The following NEDD4L variants were observed in gnomAD, a reference collection of about 807,000 sequenced individuals.
NEDD4L encodes E3 ubiquitin-protein ligase NEDD4-like.
Under a neutral mutation model 148.9 loss-of-function variants are expected in NEDD4L, and 54 were observed. That is an observed-to-expected ratio of 0.36 (90% confidence interval 0.29 to 0.45). NEDD4L has a LOEUF of 0.45. Ranked by LOEUF, NEDD4L falls within the 20% of genes least tolerant of loss-of-function variation. The pLI is 1.00. For missense variants in NEDD4L, 856 were observed against 1,233.8 expected, an observed-to-expected ratio of 0.69 and a Z score of 4.59; for synonymous variants, 433 against 440.7, an observed-to-expected ratio of 0.98 and a Z score of 0.22.
chr18:58,045,073 C>G (rs1318500635), intron 1 of NEDD4L: 6 of 405,952 alleles, frequency 1.5e-5, no homozygotes, highest in African/African-American at 1.2e-4. Context: ...CCCCTGCAGC[C>G]CGGGAGTCCA....
chr18:58,249,988 C>T (rs1252208261), intron 4 of NEDD4L, among the ~76,000 whole-genome samples: 2 of 152,208 alleles, frequency 1.3e-5, no homozygotes, highest in Non-Finnish European at 2.9e-5. Flanking sequence ...TATAGCTTTC[C>T]ACTTGTGAAC....
chr18:58,044,634 T>A lies in NEDD4L; in HGVS notation c.-27T>A, dbSNP rs1484978325. 6.3e-7 allele frequency: 1 copy of A among 1,592,956 alleles called. No homozygotes were observed. Among genetic ancestry groups the A allele is most frequent in the South Asian group, 1.1e-5 (1 of 88,610 alleles). ...CCGCAGCACAGCCGCTGGGAGCGCC[T>A]CAGACCCCGCGCGGGGCGCCGGCTC... On this transcript the variant is annotated 5_prime_UTR_variant, in exon 1 of 31. Transcript: ENST00000400345.
Position 58,245,438 on chromosome 18 carries a change from T to C in NEDD4L, c.134T>C (p.Val45Ala). 6.5e-7 allele frequency: 1 copy of C among 1,545,764 alleles called. No homozygotes were observed. Among genetic ancestry groups the C allele is most frequent in the Non-Finnish European group, 8.9e-7 (1 of 1,128,362 alleles). Residue 45 changes from valine to alanine, a missense_variant, in exon 3 of 31, where the codon GTG (valine) becomes GCG (alanine). Physicochemically the swap from Val to Ala is moderately conservative, Grantham distance 64 (BLOSUM62 0). This residue lies in a region of NEDD4L where 193 missense variants were observed against 244.2 expected (regional missense o/e 0.79). Coordinates refer to ENST00000400345, the MANE Select transcript of NEDD4L (RefSeq NM_001144967.3). Reference protein sequence around the residue: ...KDIFGASDPYVKLSLYVADEN... With the variant: ...KDIFGASDPYAKLSLYVADEN... ...ATATTTTCTTACAGTGATCCGTATG[T>C]GAAACTTTCATTGTACGTAGCGGAT... is the stretch of plus-strand genomic sequence containing the variant.
intron 1 of NEDD4L, among the ~76,000 whole-genome samples, chr18:58,148,622 T>A (rs984945689): frequency 1.3e-4 from 20 of 152,208 alleles, no homozygotes; most frequent in Non-Finnish European, 2.2e-4. Context: ...TCTCTCTGTG[T>A]GTCCAAATTT....
Position 58,401,305 on chromosome 18 carries a change from A to G in NEDD4L, c.*5036A>G, listed in dbSNP as rs2050830176. 1 of 152,246 alleles carries G rather than the reference A, an allele frequency of 6.6e-6. No homozygotes were observed. Among genetic ancestry groups the G allele is most frequent in the South Asian group, 2.1e-4 (1 of 4,836 alleles). The allele number at this position is 152,246 out of a possible 1,614,324, so 9.4% of individuals were successfully genotyped here. On this transcript the variant is annotated 3_prime_UTR_variant, in exon 31 of 31. Coordinates refer to ENST00000400345, the MANE Select transcript of NEDD4L (RefSeq NM_001144967.3). ...ATTTTTTTAAGGCAACTTATGAATA[A>G]TGCTCATTTTCACAGTCAGAATAGC...
chr18:58,383,389 T>A, intron 25 of NEDD4L, 70 bp downstream of exon 25: 2 of 848,942 alleles, frequency 2.4e-6, no homozygotes, highest in East Asian at 2.7e-5. Flanking sequence ...TGTCCCTTGC[T>A]GAAACAGCTC....
chr18:58,051,678 CTAACT>C (rs2081878486), intron 1 of NEDD4L, among the ~76,000 whole-genome samples: 1 of 152,166 alleles, frequency 6.6e-6, no homozygotes, highest in African/African-American at 2.4e-5. Context: ...AAAAGAGATC[CTAACT>C]TAAGAGTTTT....
At position 58,044,618 on chromosome 18, in the gene NEDD4L, A is replaced by C; in HGVS notation, c.-43A>C. 1.9e-6 allele frequency: 3 copies of C among 1,567,008 alleles called. No homozygotes were observed. Among genetic ancestry groups the C allele is most frequent in the Non-Finnish European group, 2.6e-6 (3 of 1,157,490 alleles). On this transcript the variant is annotated 5_prime_UTR_variant, in exon 1 of 31. Transcript: ENST00000400345. Reference sequence around the variant, plus strand: ...GAACCGGCCGTCCGCGCCGCAGCACAGCCGCTGGGAGCGCCTCAGACCCCG... The same window carrying C: ...GAACCGGCCGTCCGCGCCGCAGCACCGCCGCTGGGAGCGCCTCAGACCCCG...
chr18:58,156,130 G>C (rs1444231406), intron 1 of NEDD4L, among the ~76,000 whole-genome samples: 1 of 152,158 alleles, frequency 6.6e-6, no homozygotes, highest in African/African-American at 2.4e-5. Context: ...ACTTTCTTAT[G>C]TAGTTCTTCT....
chr18:58,327,166 C>T (rs910518932), intron 9 of NEDD4L, among the ~76,000 whole-genome samples: 63 of 152,292 alleles, frequency 4.1e-4, no homozygotes, highest in African/African-American at 1.4e-3. Context: ...GGCACCATCT[C>T]GGCTCACTGC....
chr18:58,295,745 T>C (rs1216746851), intron 5 of NEDD4L, among the ~76,000 whole-genome samples: 1 of 152,100 alleles, frequency 6.6e-6, no homozygotes, highest in Non-Finnish European at 1.5e-5. Context: ...GCAGATTCTG[T>C]ATAAGCAGAT....
At chr18:58,372,547 A>T (rs895240822) in intron 23 of NEDD4L, 3 of 152,182 alleles carry the variant, frequency 2.0e-5, no homozygotes, top group African/African-American at 7.2e-5. Context: ...GGCTCAAGTG[A>T]TCCTCCCACC....
At chr18:58,283,895 C>T (rs1225642478) in intron 5 of NEDD4L, among the ~76,000 whole-genome samples, 1 of 152,088 alleles carries the variant, frequency 6.6e-6, no homozygotes, top group African/African-American at 2.4e-5. Context: ...GACTGGTAGC[C>T]TTATAAAAAA....
At chr18:58,072,870 G>A (rs368496328) in intron 1 of NEDD4L, among the ~76,000 whole-genome samples, 71 of 106,504 alleles carry the variant, frequency 6.7e-4, no homozygotes, top group African/African-American at 2.2e-3. Flanking sequence ...GCGCGCGCGC[G>A]CGCACACACA....
chr18:58,122,350 A>G (rs2030095762), intron 1 of NEDD4L, among the ~76,000 whole-genome samples: 2 of 152,144 alleles, frequency 1.3e-5, no homozygotes, highest in South Asian at 4.2e-4. Context: ...AAATACAAAA[A>G]TTAGCCGGGT....
intron 5 of NEDD4L, chr18:58,255,967 G>T (rs2048478517): frequency 2.4e-6 from 3 of 1,230,692 alleles, no homozygotes; most frequent in African/African-American, 3.1e-5. Flanking sequence ...GGTGCGGGCC[G>T]CCCGAGGGCG....
chr18:58,047,775 C>G (rs753408162), intron 1 of NEDD4L, among the ~76,000 whole-genome samples: 35 of 152,182 alleles, frequency 2.3e-4, no homozygotes, highest in Non-Finnish European at 4.7e-4. Context: ...GTTTCTGCAT[C>G]TGGCTTGAGT....
intron 6 of NEDD4L, among the ~76,000 whole-genome samples, chr18:58,321,155 G>C (rs1342949347): frequency 6.6e-6 from 1 of 152,204 alleles, no homozygotes; most frequent in Non-Finnish European, 1.5e-5. Flanking sequence ...TTACATTCTG[G>C]AAGTGATGGA....
At chr18:58,380,033 A>G (rs1601907620) in intron 24 of NEDD4L, among the ~76,000 whole-genome samples, 1 of 152,056 alleles carries the variant, frequency 6.6e-6, no homozygotes, top group East Asian at 1.9e-4. Flanking sequence ...CTCATTTAGC[A>G]TGGGTTAGTG....
Sources: gnomAD v4.1 joint callset for allele counts (sites outside exome capture counted in the v4.1 genomes callset) on GRCh38, gnomAD v4.1.1 for gene constraint, gnomAD v4.1.1 regional missense constraint, MANE v1.5 for transcripts, NCBI Gene and HGNC (gene_info 2026-07-23, HGNC 2026-07-21) for gene names.